The following RBFOX1 variants were observed in gnomAD, a reference collection of about 807,000 sequenced individuals.
RBFOX1 encodes RNA binding protein fox-1 homolog 1.
A neutral mutation model predicts 57.7 loss-of-function variants in RBFOX1; 8 were observed. The ratio of observed to expected loss-of-function variants is 0.14; its 90% CI spans 0.08 to 0.25. The LOEUF (loss-of-function observed/expected upper bound fraction) is 0.25. Ranked by LOEUF, RBFOX1 falls within the 10% of genes least tolerant of loss-of-function variation. The probability of loss-of-function intolerance (pLI) is 1.00; values close to 1 mark genes in which losing one functional copy is unlikely to be tolerated. For missense variants in RBFOX1, 611 were observed against 548.5 expected, an observed-to-expected ratio of 1.11 and a Z score of -1.14; for synonymous variants, 326 against 222.4, an observed-to-expected ratio of 1.47 and a Z score of -4.15.
intron 3 of RBFOX1, among the ~76,000 whole-genome samples, chr16:5,844,328 G>A (rs2151852325): frequency 6.6e-6 from 1 of 152,284 alleles, no homozygotes; most frequent in Middle Eastern, 3.4e-3. Flanking sequence ...TTAAAATCTG[G>A]TTGTTGTGGC....
At chr16:7,011,798 G>A (rs2093665999) in intron 3 of RBFOX1, among the ~76,000 whole-genome samples, 1 of 152,226 alleles carries the variant, frequency 6.6e-6, no homozygotes, top group Admixed American at 6.5e-5. Flanking sequence ...ACAGGCGTGA[G>A]CCGCCGCACC....
intron 1 of RBFOX1, among the ~76,000 whole-genome samples, chr16:5,394,780 C>T (rs1370285221): frequency 1.3e-5 from 2 of 152,128 alleles, no homozygotes; most frequent in African/African-American, 2.4e-5. Context: ...AACTCCCGGT[C>T]TCACGCAGTC....
intron 2 of RBFOX1, among the ~76,000 whole-genome samples, chr16:6,591,714 T>A (rs2097713701): frequency 6.6e-6 from 1 of 152,150 alleles, no homozygotes; most frequent in Non-Finnish European, 1.5e-5. Context: ...TTCTATCTAA[T>A]TTGTACTATT....
chr16:6,965,490 C>G (rs1372321578), intron 3 of RBFOX1, among the ~76,000 whole-genome samples: 1 of 152,084 alleles, frequency 6.6e-6, no homozygotes, highest in East Asian at 1.9e-4. Context: ...GCGTGCGCCA[C>G]CATGCCTGGC....
At chr16:7,183,199 G>A (rs1445149022) in intron 4 of RBFOX1, among the ~76,000 whole-genome samples, 1 of 152,130 alleles carries the variant, frequency 6.6e-6, no homozygotes, top group Non-Finnish European at 1.5e-5. Context: ...CACTTCTCCT[G>A]GCTGCCTGTG....
intron 1 of RBFOX1, among the ~76,000 whole-genome samples, chr16:6,047,028 G>A (rs2095502616): frequency 2.0e-5 from 3 of 152,306 alleles, no homozygotes; most frequent in East Asian, 1.9e-4. Context: ...GATGAAGGAC[G>A]CCTGCTGCTG....
chr16:6,432,784 T>A (rs1597170595), intron 2 of RBFOX1, among the ~76,000 whole-genome samples: 1 of 151,904 alleles, frequency 6.6e-6, no homozygotes, highest in East Asian at 1.9e-4. Context: ...TCGAGACCAG[T>A]CTGACTGATG....
intron 3 of RBFOX1, among the ~76,000 whole-genome samples, chr16:7,006,917 C>T (rs1409617438): frequency 2.6e-5 from 4 of 152,196 alleles, no homozygotes; most frequent in Non-Finnish European, 4.4e-5. Context: ...CATATGGACG[C>T]ACCGTCTTGT....
At chr16:7,123,288 C>G (rs759821797) in intron 4 of RBFOX1, among the ~76,000 whole-genome samples, 1 of 152,128 alleles carries the variant, frequency 6.6e-6, no homozygotes, top group Non-Finnish European at 1.5e-5. Flanking sequence ...TAGCATCATT[C>G]CTGGCAAACA....
At chr16:7,057,020 T>C (rs1480660994) in intron 4 of RBFOX1, among the ~76,000 whole-genome samples, 1 of 142,580 alleles carries the variant, frequency 7.0e-6, no homozygotes, top group Admixed American at 6.9e-5. Flanking sequence ...ACAACTTCGT[T>C]AAAGCACTGA....
intron 3 of RBFOX1, among the ~76,000 whole-genome samples, chr16:6,948,607 G>A (rs1425161634): frequency 6.6e-6 from 1 of 151,686 alleles, no homozygotes; most frequent in Non-Finnish European, 1.5e-5. Flanking sequence ...GTCTTGAACT[G>A]CTGACTTCAA....
intron 3 of RBFOX1, among the ~76,000 whole-genome samples, chr16:7,035,817 T>C (rs2044234177): frequency 6.6e-6 from 1 of 152,138 alleles, no homozygotes; most frequent in Non-Finnish European, 1.5e-5. Context: ...TAAGAGTTCA[T>C]TTTGTGTGAA....
chr16:6,304,068 C>A (rs2079155248), intron 1 of RBFOX1, among the ~76,000 whole-genome samples: 1 of 151,662 alleles, frequency 6.6e-6, no homozygotes, highest in South Asian at 2.1e-4. Context: ...CCTGGGCCTC[C>A]CAAAGTGCTG....
At chr16:6,432,908 G>T (rs1351449648) in intron 2 of RBFOX1, among the ~76,000 whole-genome samples, 1 of 152,174 alleles carries the variant, frequency 6.6e-6, no homozygotes, top group East Asian at 1.9e-4. Context: ...AATCTGGGAG[G>T]TGGATGTTGC....
chr16:6,241,754 G>A (rs1358088387), intron 1 of RBFOX1, among the ~76,000 whole-genome samples: 2 of 152,200 alleles, frequency 1.3e-5, no homozygotes, highest in Non-Finnish European at 2.9e-5. Context: ...CACTTAAAAT[G>A]TATTAAATGA....
At chr16:7,311,733 C>G in intron 4 of RBFOX1, among the ~76,000 whole-genome samples, 1 of 152,200 alleles carries the variant, frequency 6.6e-6, no homozygotes, top group East Asian at 1.9e-4. Context: ...TCAAGTGTCT[C>G]ACAAAATTCA....
At chr16:5,326,950 A>G (rs2064593328) in intron 1 of RBFOX1, among the ~76,000 whole-genome samples, 1 of 152,208 alleles carries the variant, frequency 6.6e-6, no homozygotes, top group African/African-American at 2.4e-5. Context: ...AACTGAGGGT[A>G]AACAGCAAAC....
At chr16:5,678,965 GC>G (rs1295847422) in intron 3 of RBFOX1, among the ~76,000 whole-genome samples, 5 of 152,200 alleles carry the variant, frequency 3.3e-5, no homozygotes, top group African/African-American at 1.2e-4. Context: ...AGTGATTGGG[GC>G]TACATGTATG....
chr16:5,534,171 G>C (rs1301779275), intron 2 of RBFOX1, among the ~76,000 whole-genome samples: 1 of 152,134 alleles, frequency 6.6e-6, no homozygotes, highest in Non-Finnish European at 1.5e-5. Context: ...AGGTGCAAGG[G>C]TGGCTGGGAA....
Sources: allele counts gnomAD v4.1 joint callset (sites outside exome capture counted in the v4.1 genomes callset), GRCh38; gene constraint gnomAD v4.1.1; transcripts MANE v1.5; gene names NCBI Gene and HGNC (gene_info 2026-07-23, HGNC 2026-07-21).